HDAC4: variants seen among roughly 807,000 people sequenced by gnomAD.
The protein encoded by HDAC4 is histone deacetylase A.
A neutral mutation model predicts 135.1 loss-of-function variants in HDAC4; 16 were observed. The ratio of observed to expected loss-of-function variants is 0.12; its 90% CI spans 0.08 to 0.18. The LOEUF is 0.18. Ranked by LOEUF, HDAC4 falls within the 10% of genes least tolerant of loss-of-function variation. The pLI, the probability that HDAC4 is intolerant of heterozygous loss-of-function variation, is 1.00. For missense variants in HDAC4, 1,143 were observed against 1,511.8 expected (o/e 0.76, Z 4.05); for synonymous variants, 685 against 653.4 (o/e 1.05, Z -0.74).
intron 22 of HDAC4, among the ~76,000 whole-genome samples, chr2:239,076,207 G>C (rs1288921401): frequency 6.6e-6 from 1 of 152,022 alleles, no homozygotes; most frequent in East Asian, 1.9e-4. Context: ...AACAGCAGGC[G>C]GGTGTTGGCC....
intron 12 of HDAC4, among the ~76,000 whole-genome samples, chr2:239,120,421 A>G (rs1415616462): frequency 1.5e-5 from 2 of 133,378 alleles, no homozygotes; most frequent in Non-Finnish European, 3.4e-5. Flanking sequence ...ACACAGACAC[A>G]GACAGATGCA....
chr2:239,347,820 T>A (rs534867418), intron 2 of HDAC4, among the ~76,000 whole-genome samples: 1 of 152,186 alleles, frequency 6.6e-6, no homozygotes, highest in Admixed American at 6.5e-5. Context: ...CGGCCACTTA[T>A]TTTGTTTTGA....
intron 3 of HDAC4, among the ~76,000 whole-genome samples, chr2:239,211,916 C>T (rs1164959613): frequency 3.3e-5 from 5 of 152,162 alleles, no homozygotes; most frequent in African/African-American, 1.2e-4. Flanking sequence ...AGAGCAGTCC[C>T]GTGCCCTGCA....
intron 23 of HDAC4, 91 bp from the exon 24 acceptor site, chr2:239,066,946 C>T: frequency 6.7e-7 from 1 of 1,489,638 alleles, no homozygotes; most frequent in Non-Finnish European, 9.2e-7. Context: ...CGTAAGAAGA[C>T]TGGGGGCTGG....
At chr2:239,087,662 T>C (rs753582761) in intron 18 of HDAC4, 48 bp from the exon 19 acceptor site, 3 of 1,576,804 alleles carry the variant, frequency 1.9e-6, no homozygotes, top group Admixed American at 1.7e-5. Flanking sequence ...AAGACACACT[T>C]TGTAGCCACG....
intron 2 of HDAC4, among the ~76,000 whole-genome samples, chr2:239,302,545 G>GACCAAGCAC (rs1415293641): frequency 6.6e-6 from 1 of 152,232 alleles, no homozygotes; most frequent in Non-Finnish European, 1.5e-5. Context: ...GTGGGGCCAT[G>GACCAAGCAC]ACCAAGCACT....
At chr2:239,219,564 C>T (rs2046835960) in intron 3 of HDAC4, among the ~76,000 whole-genome samples, 1 of 151,922 alleles carries the variant, frequency 6.6e-6, no homozygotes, top group Non-Finnish European at 1.5e-5. Flanking sequence ...CACATGTATA[C>T]ATATGTAACT....
intron 4 of HDAC4, among the ~76,000 whole-genome samples, chr2:239,178,492 C>T (rs1334397283): frequency 6.6e-6 from 1 of 152,208 alleles, no homozygotes; most frequent in African/African-American, 2.4e-5. Context: ...AAGCCATTCT[C>T]CCACCTCAGC....
At chr2:239,252,408 C>A (rs2048833720) in intron 2 of HDAC4, among the ~76,000 whole-genome samples, 1 of 152,202 alleles carries the variant, frequency 6.6e-6, no homozygotes, top group South Asian at 2.1e-4. Flanking sequence ...GCCCACGCCA[C>A]CATGGACACA....
At chr2:239,209,990 G>A (rs371383648) in intron 3 of HDAC4, among the ~76,000 whole-genome samples, 9 of 152,192 alleles carry the variant, frequency 5.9e-5, no homozygotes, top group African/African-American at 1.4e-4. Context: ...GAGCGGGGGC[G>A]TGGGAGCAGC....
intron 6 of HDAC4, among the ~76,000 whole-genome samples, chr2:239,160,925 C>A (rs1388568045): frequency 6.6e-6 from 1 of 152,276 alleles, no homozygotes; most frequent in Non-Finnish European, 1.5e-5. Flanking sequence ...AGGCAGCACA[C>A]AGAGGTCCAG....
At position 239,066,864 on chromosome 2, in the gene HDAC4, G is replaced by T. The variant is rs766462830; in HGVS notation, c.2870-9C>A. On this transcript the variant is annotated splice_polypyrimidine_tract_variant and intron_variant, in intron 23 of 26. Transcript: ENST00000543185. Reference sequence around the variant, plus strand: ...CGTCAGGTACCCGAAGCCTGCAACGGGAAACGGGAGACTGCAGTGTGAACG... The same window carrying T: ...CGTCAGGTACCCGAAGCCTGCAACGTGAAACGGGAGACTGCAGTGTGAACG... 2.5e-6 allele frequency: 4 copies of T among 1,611,912 alleles called. No individual in the cohort carries two copies. The South Asian group carries it at 4.4e-5, about 18-fold the overall frequency.
intron 1 of HDAC4, among the ~76,000 whole-genome samples, chr2:239,390,404 T>C (rs905315570): frequency 1.3e-5 from 2 of 152,126 alleles, no homozygotes; most frequent in African/African-American, 4.8e-5. Flanking sequence ...CATGGTGGCA[T>C]GCGTCTTTGG....
chr2:239,242,227 G>T (rs2048221688), intron 2 of HDAC4, among the ~76,000 whole-genome samples: 1 of 132,226 alleles, frequency 7.6e-6, no homozygotes, highest in African/African-American at 3.1e-5. Context: ...GAGGAAGGAG[G>T]GGAAGGGAGG....
In HDAC4 at chr2:239,141,749, C is replaced by A. The variant is rs1382128226; in HGVS notation, c.866-1953G>T. The stretch of plus-strand genomic sequence containing the variant: ...TCCCAGCTGTGTCGTCAGATAAATA[C>A]CCTCACGCATGTGCCTGGGGAGTCC... On this transcript the variant is annotated intron_variant, in intron 8 of 26. Coordinates refer to ENST00000543185, the MANE Select transcript of HDAC4 (RefSeq NM_001378414.1). The surrounding 1 kb of genome is among the most constrained non-coding windows in gnomAD (Gnocchi z 4.9). Among the ~76,000 whole-genome samples, 1 of 152,174 alleles carries A rather than the reference C, an allele frequency of 6.6e-6. No individual in the cohort carries two copies. The highest frequency in any genetic ancestry group is 1.5e-5 in the Non-Finnish European group (1 of 68,024).
chr2:239,398,846 C>A (rs1470426767), intron 1 of HDAC4, among the ~76,000 whole-genome samples: 1 of 152,250 alleles, frequency 6.6e-6, no homozygotes, highest in Admixed American at 6.5e-5. Context: ...CCCCCGGGGG[C>A]ATGCCTGCTG....
At chr2:239,161,121 G>A (rs111409481) in intron 6 of HDAC4, among the ~76,000 whole-genome samples, 205 of 152,280 alleles carry the variant, frequency 1.3e-3, no homozygotes, top group African/African-American at 4.8e-3. Context: ...CCTTTTGACC[G>A]TATTTTTAAG....
rs966642777 is a variant in HDAC4, at chr2:239,255,500, C to A, written c.23-18836G>T. On this transcript the variant is annotated intron_variant, in intron 2 of 26. Coordinates refer to ENST00000543185, the MANE Select transcript of HDAC4 (RefSeq NM_001378414.1). ...TCTCTTTGAGAGACCGTCATTTTTTCTTTGCTCTGAGTCCTTTGTCTTTAT... is the reference window on the plus strand; with the variant it reads ...TCTCTTTGAGAGACCGTCATTTTTTATTTGCTCTGAGTCCTTTGTCTTTAT... Among the ~76,000 whole-genome samples, 33 of 152,132 alleles carry A rather than the reference C, an allele frequency of 2.2e-4. 1 individual carries two copies. The highest frequency in any genetic ancestry group is 1.7e-3 in the East Asian group (9 of 5,196).
chr2:239,209,952 C>A (rs1365658881), intron 3 of HDAC4, among the ~76,000 whole-genome samples: 1 of 152,198 alleles, frequency 6.6e-6, no homozygotes, highest in Admixed American at 6.5e-5. Context: ...TTTACGCCCA[C>A]CGACCCAACT....
Sources: gnomAD v4.1 joint callset for allele counts (sites outside exome capture counted in the v4.1 genomes callset) on GRCh38, gnomAD v4.1.1 for gene constraint, Gnocchi (gnomAD v3.1) non-coding constraint, MANE v1.5 for transcripts, NCBI Gene and HGNC (gene_info 2026-07-23, HGNC 2026-07-21) for gene names.